Variants in CDX1 observed in about 807,000 individuals in gnomAD.
CDX1 encodes caudal type homeobox 1, also known as homeobox protein CDX-1.
Under a neutral mutation model 16.9 loss-of-function variants are expected in CDX1, and 9 were observed. The observed-to-expected ratio is 0.53, with a 90% CI of 0.32 to 0.93. CDX1 has a LOEUF of 0.93. CDX1 is among the 40% of genes least tolerant of loss of function. The pLI is 0.04. For synonymous variants in CDX1, 179 were observed against 179.0 expected (o/e 1.00, Z 0.00); for missense variants, 393 against 386.1 (o/e 1.02, Z -0.15).
intron 1 of CDX1, among the ~76,000 whole-genome samples, chr5:150,172,906 A>G (rs1761524712): frequency 1.3e-5 from 2 of 152,204 alleles, no homozygotes; most frequent in Non-Finnish European, 2.9e-5. Flanking sequence ...TGGTGTGTCC[A>G]TAGGAAGTTA....
chr5:150,174,942 A>G (rs1439745727), intron 1 of CDX1, among the ~76,000 whole-genome samples: 2 of 151,948 alleles, frequency 1.3e-5, no homozygotes, highest in Non-Finnish European at 2.9e-5. Flanking sequence ...ACGCCCAGCT[A>G]ATTATTGTAT....
Position 150,169,517 on chromosome 5 carries a change from A to G in CDX1, c.445+2196A>G, listed in dbSNP as rs11949253. On this transcript the variant is annotated intron_variant, in intron 1 of 2. Coordinates refer to ENST00000231656, the MANE Select transcript of CDX1 (RefSeq NM_001804.3). The stretch of plus-strand genomic sequence containing the variant: ...GCCAGAAGGTGCTGCCTGTCTTCCC[A>G]GGGCATCTGACTGTCTATTCAGTGC... 6.0e-3 allele frequency among the ~76,000 whole-genome samples: 911 copies of G among 152,254 alleles called. 8 individuals carry two copies. Among genetic ancestry groups the G allele is most frequent in the African/African-American group, 0.021 (874 of 41,552 alleles).
chr5:150,179,522 C>T (rs995590197), intron 1 of CDX1, among the ~76,000 whole-genome samples: 2 of 152,234 alleles, frequency 1.3e-5, no homozygotes, highest in Non-Finnish European at 2.9e-5. Flanking sequence ...CTGCAAGTGC[C>T]CTTTCTGAGC....
intron 1 of CDX1, among the ~76,000 whole-genome samples, chr5:150,169,068 G>C (rs1018887599): frequency 3.9e-5 from 6 of 152,164 alleles, no homozygotes; most frequent in Non-Finnish European, 8.8e-5. Flanking sequence ...TCCTGCTCCT[G>C]TGTTCCACTT....
intron 1 of CDX1, among the ~76,000 whole-genome samples, chr5:150,167,538 A>G (rs181095179): frequency 1.7e-4 from 26 of 152,272 alleles, no homozygotes; most frequent in African/African-American, 5.5e-4. Flanking sequence ...CTCTCTGTAC[A>G]GATAGGGAAA....
At chr5:150,172,244 C>T (rs1761517371) in intron 1 of CDX1, among the ~76,000 whole-genome samples, 1 of 152,244 alleles carries the variant, frequency 6.6e-6, no homozygotes, top group Non-Finnish European at 1.5e-5. Flanking sequence ...TCTGTAGTCC[C>T]TCAAGGACCA....
chr5:150,180,070 C>A (rs544687132), intron 1 of CDX1, among the ~76,000 whole-genome samples: 63 of 152,382 alleles, frequency 4.1e-4, no homozygotes, highest in Admixed American at 3.3e-4. Context: ...CCATTGTGAA[C>A]CCCGATCTCT....
At chr5:150,174,684 G>A (rs1761546204) in intron 1 of CDX1, among the ~76,000 whole-genome samples, 1 of 151,886 alleles carries the variant, frequency 6.6e-6, no homozygotes, top group African/African-American at 2.4e-5. Flanking sequence ...CTGTCATATT[G>A]GACAGTGCAG....
chr5:150,183,601 T>C lies in CDX1; in HGVS notation c.719T>C (p.Leu240Pro). Reference sequence around the variant, plus strand: ...ACGGCCACCCCAGCCGGGCCATCCCTGGGGGGCCTGTGTCCCAGCAACACC... The same window carrying C: ...ACGGCCACCCCAGCCGGGCCATCCCCGGGGGGCCTGTGTCCCAGCAACACC... ...DITATPAGPS[L>P]GGLCPSNTSL... The change falls in exon 3 of 3, where the codon CTG becomes CCG. Residue 240 changes from leucine (L) to proline (P), a missense_variant. Physicochemically the swap from Leu to Pro is moderately conservative, Grantham distance 98. Transcript: ENST00000231656. 2 of 1,610,076 alleles carry C rather than the reference T, an allele frequency of 1.2e-6. No individual in the cohort carries two copies. The highest frequency in any genetic ancestry group is 1.7e-6 in the Non-Finnish European group (2 of 1,177,382).
chr5:150,167,008 C>T lies in CDX1; in HGVS notation c.132C>T (p.Asp44=). Residue 44 remains aspartate, a synonymous_variant, in exon 1 of 3, where the codon GAC becomes GAT. Coordinates refer to ENST00000231656, the MANE Select transcript of CDX1 (RefSeq NM_001804.3). ...CCCCGGCGCCCCCGCAGTACCCCGA[C>T]TTCTCCAGCTACTCTCACGTGGAGC... ...APPPAPPQYP[D]FSSYSHVEPA... The T allele has an allele frequency of 1.4e-6, 2 of 1,441,482 alleles. No individual in the cohort carries two copies. Among genetic ancestry groups the T allele is most frequent in the Non-Finnish European group, 9.1e-7 (1 of 1,102,634 alleles). The allele number at this position is 1,441,482 out of a possible 1,614,324, so 89.3% of individuals were successfully genotyped here.
chr5:150,177,248 A>C (rs1761580078), intron 1 of CDX1, among the ~76,000 whole-genome samples: 2 of 152,268 alleles, frequency 1.3e-5, no homozygotes, highest in African/African-American at 4.8e-5. Context: ...AATAACAAAC[A>C]CAATCAGAGA....
intron 1 of CDX1, among the ~76,000 whole-genome samples, chr5:150,174,434 G>A (rs1361193952): frequency 6.6e-6 from 1 of 152,250 alleles, no homozygotes; most frequent in Non-Finnish European, 1.5e-5. Context: ...GGTGGCAGAT[G>A]CAAGAACTGG....
At chr5:150,183,331 A>G in intron 2 of CDX1, 143 bp from the exon 3 acceptor site, 2 of 680,892 alleles carry the variant, frequency 2.9e-6, no homozygotes, top group Admixed American at 3.0e-5. Flanking sequence ...TTCAGGGTCC[A>G]TGTGGTCTGG....
At chr5:150,169,527 A>C (rs1761477456) in intron 1 of CDX1, among the ~76,000 whole-genome samples, 1 of 152,042 alleles carries the variant, frequency 6.6e-6, no homozygotes, top group Admixed American at 6.5e-5. Flanking sequence ...AGGGCATCTG[A>C]CTGTCTATTC....
intron 1 of CDX1, 68 bp downstream of exon 1, chr5:150,167,389 C>A: frequency 2.7e-6 from 3 of 1,099,146 alleles, no homozygotes; most frequent in Non-Finnish European, 3.5e-6. Flanking sequence ...AGGCCGCCCC[C>A]TGTCTGACCT....
intron 1 of CDX1, among the ~76,000 whole-genome samples, chr5:150,169,902 T>C (rs546099089): frequency 6.6e-6 from 1 of 152,318 alleles, no homozygotes; most frequent in South Asian, 2.1e-4. Flanking sequence ...ATGTTCCAGT[T>C]TCACACAAGC....
chr5:150,178,504 C>T (rs1190018358), intron 1 of CDX1, among the ~76,000 whole-genome samples: 2 of 152,096 alleles, frequency 1.3e-5, no homozygotes, highest in Non-Finnish European at 2.9e-5. Flanking sequence ...CATCCCCAGC[C>T]CTCTCCCCAC....
At chr5:150,176,838 G>C (rs2113951902) in intron 1 of CDX1, among the ~76,000 whole-genome samples, 1 of 152,076 alleles carries the variant, frequency 6.6e-6, no homozygotes, top group African/African-American at 2.4e-5. Context: ...GTGGGGCCTG[G>C]GAATCTGCAT....
chr5:150,169,859 G>A (rs892158364), intron 1 of CDX1, among the ~76,000 whole-genome samples: 20 of 151,640 alleles, frequency 1.3e-4, no homozygotes, highest in Non-Finnish European at 2.8e-4. Flanking sequence ...CACACATGTA[G>A]ACGAGGGAAC....
Sources: gnomAD v4.1 joint callset for allele counts (sites outside exome capture counted in the v4.1 genomes callset) on GRCh38, gnomAD v4.1.1 for gene constraint, MANE v1.5 for transcripts, NCBI Gene and HGNC (gene_info 2026-07-23, HGNC 2026-07-21) for gene names.